The following MMP28 variants were observed in gnomAD, a reference collection of about 807,000 sequenced individuals.
MMP28 encodes the protein matrix metalloproteinase-28.
MMP28 carries 55 observed loss-of-function variants against 60.5 expected under a neutral mutation model. That is an observed-to-expected ratio of 0.91 (90% CI 0.73 to 1.14). The LOEUF is 1.14. Among genes scored for constraint, MMP28 ranks in the 50% most tolerant of loss-of-function variants. The probability of loss-of-function intolerance (pLI) is 0.00; values close to 1 mark genes in which losing one functional copy is unlikely to be tolerated. For missense variants in MMP28, 686 were observed against 738.3 expected, an observed-to-expected ratio of 0.93 and a Z score of 0.82; for synonymous variants, 318 against 312.5, an observed-to-expected ratio of 1.02 and a Z score of -0.18.
chr17:35,764,719 G>T (rs587752891), downstream of MMP28: 2 of 1,303,786 alleles, frequency 1.5e-6, no homozygotes, highest in Non-Finnish European at 1.0e-6. Flanking sequence ...GACGCATTCC[G>T]CAGGACCGCC....
intron 4 of MMP28, among the ~76,000 whole-genome samples, chr17:35,771,430 CAAAAA>C (rs548706247): frequency 9.3e-4 from 44 of 47,368 alleles, no homozygotes; most frequent in African/African-American, 3.4e-3. Flanking sequence ...GACTCTGTCT[CAAAAA>C]AAAAAAAAAA....
At chr17:35,789,525 T>A (rs1568201734) in intron 1 of MMP28, among the ~76,000 whole-genome samples, 1 of 152,038 alleles carries the variant, frequency 6.6e-6, no homozygotes, top group Non-Finnish European at 1.5e-5. Context: ...CTATAGGAAT[T>A]TAAAGCTGTG....
At chr17:35,768,439 G>C (rs1309507268) in intron 5 of MMP28, 60 bp from the exon 6 acceptor site, 30 of 1,372,528 alleles carry the variant, frequency 2.2e-5, no homozygotes, top group Non-Finnish European at 2.8e-5. Context: ...GGTATGCTGT[G>C]CACTCAAGAC....
At chr17:35,793,408 T>C (rs1056127592) in intron 1 of MMP28, among the ~76,000 whole-genome samples, 1 of 152,196 alleles carries the variant, frequency 6.6e-6, no homozygotes, top group African/African-American at 2.4e-5. Flanking sequence ...AGAAGCCTTC[T>C]CCTGGGGCTG....
At chr17:35,777,925 G>A (rs2086381239) in intron 3 of MMP28, among the ~76,000 whole-genome samples, 1 of 152,224 alleles carries the variant, frequency 6.6e-6, no homozygotes, top group Admixed American at 6.5e-5. Flanking sequence ...CTACTTGTGA[G>A]GCTGAGGCAG....
rs1006976415 is a variant in MMP28 at position 35,767,643 on chromosome 17, C to T, written c.1168+109G>A. ...CAGGTTCAGATTGGAATGGAGACTCCACCATGGACTCGTGTGAGAGTCTTC... is the reference window on the plus strand; with the variant it reads ...CAGGTTCAGATTGGAATGGAGACTCTACCATGGACTCGTGTGAGAGTCTTC... On this transcript the variant is annotated intron_variant, in intron 7 of 7. Transcript: ENST00000605424. The T allele has an allele frequency of 7.3e-5, 95 of 1,305,984 alleles. No homozygotes were observed. The African/African-American group carries it at 1.2e-3, about 16-fold the overall frequency. 80.9% of individuals were successfully genotyped at this position (1,305,984 alleles called of 1,614,324 possible).
chr17:35,773,414 A>G lies in MMP28; in HGVS notation c.380-10T>C, dbSNP rs1052262507. On this transcript the variant is annotated splice_polypyrimidine_tract_variant and intron_variant, in intron 3 of 7. Coordinates refer to ENST00000605424, the MANE Select transcript of MMP28 (RefSeq NM_024302.5). Reference sequence around the variant, plus strand: ...TTGTACCATTTGTTACCTGCCACCCAGAAAGCCCACGTCAGTCACACCTGC... The same window carrying G: ...TTGTACCATTTGTTACCTGCCACCCGGAAAGCCCACGTCAGTCACACCTGC... 9 of 1,576,556 alleles carry G rather than the reference A, an allele frequency of 5.7e-6. No homozygotes were observed. The Admixed American group carries it at 9.2e-5, about 16-fold the overall frequency.
downstream of MMP28, chr17:35,764,335 C>T (rs1376325234): frequency 1.6e-5 from 23 of 1,462,916 alleles, no homozygotes; most frequent in Non-Finnish European, 2.1e-5. Flanking sequence ...GGTGCCTGCG[C>T]GCTCCTCGAC....
intron 1 of MMP28, among the ~76,000 whole-genome samples, chr17:35,786,739 C>G (rs2086663283): frequency 7.3e-6 from 1 of 137,866 alleles, no homozygotes; most frequent in Admixed American, 6.9e-5. Context: ...TGGTATTCTG[C>G]CTTGATGTGT....
At chr17:35,788,997 G>A (rs760230686) in intron 1 of MMP28, among the ~76,000 whole-genome samples, 17 of 152,116 alleles carry the variant, frequency 1.1e-4, no homozygotes, top group Non-Finnish European at 1.3e-4. Flanking sequence ...GTTTTCCTAA[G>A]TTGCCCACTG....
At chr17:35,787,185 G>A (rs538435758) in intron 1 of MMP28, among the ~76,000 whole-genome samples, 24 of 152,314 alleles carry the variant, frequency 1.6e-4, no homozygotes, top group African/African-American at 5.5e-4. Context: ...GAAAGAAGTT[G>A]CTCAGGCAGT....
chr17:35,771,754 T>TAA (rs61445406), intron 4 of MMP28, among the ~76,000 whole-genome samples: 2 of 98,250 alleles, frequency 2.0e-5, no homozygotes, highest in African/African-American at 3.9e-5. Flanking sequence ...TATATATATA[T>TAA]AAAATTGTGT....
chr17:35,791,409 G>A (rs1351511353), intron 1 of MMP28, among the ~76,000 whole-genome samples: 7 of 152,028 alleles, frequency 4.6e-5, no homozygotes, highest in East Asian at 3.9e-4. Context: ...ATGGTGGTGC[G>A]TGTCTGTAGT....
At chr17:35,773,482 G>A (rs1250460497) in intron 3 of MMP28, 78 bp from the exon 4 acceptor site, 19 of 1,299,306 alleles carry the variant, frequency 1.5e-5, no homozygotes, top group East Asian at 7.6e-5. Flanking sequence ...GTAGGATGGC[G>A]AGGGGTAGGC....
Position 35,767,834 on chromosome 17 carries a change from C to G in MMP28, c.1086G>C (p.Leu362=). ...GGGGCAGCCCGACCCATCTTTCCTG[C>G]AGTGGACGGGGCTCTGAGACGTTGC... is the stretch of plus-strand genomic sequence containing the variant. The part of the protein sequence containing the change: ...ADGNVSEPRP[L]QERWVGLPPN... Residue 362 remains leucine, a synonymous_variant, in exon 7 of 8, where the codon CTG becomes CTC. Coordinates refer to ENST00000605424, the MANE Select transcript of MMP28 (RefSeq NM_024302.5). 1 of 1,612,160 alleles carries G rather than the reference C, an allele frequency of 6.2e-7. No homozygotes were observed. Among genetic ancestry groups the G allele is most frequent in the African/African-American group, 1.3e-5 (1 of 75,026 alleles).
In MMP28 at chr17:35,768,384, G is replaced by T; in HGVS notation, c.851-5C>A. On this transcript the variant is annotated splice_polypyrimidine_tract_variant and splice_region_variant and intron_variant, in intron 5 of 7. Coordinates refer to ENST00000605424, the MANE Select transcript of MMP28 (RefSeq NM_024302.5). ...CTGAGCCCCCTAGGGGCTTCCCTTT[G>T]TGAGTAAGGAAATAAGAGAGAGAGA... is the stretch of plus-strand genomic sequence containing the variant. 6.3e-7 allele frequency: 1 copy of T among 1,593,976 alleles called. No individual in the cohort carries two copies. Among genetic ancestry groups the T allele is most frequent in the South Asian group, 1.1e-5 (1 of 89,394 alleles).
At chr17:35,764,512 T>TC (rs782199533), downstream of MMP28, 1 of 1,595,490 alleles carries the variant, frequency 6.3e-7, no homozygotes, top group African/African-American at 1.4e-5. Context: ...TGCGAGCTCC[T>TC]CTTCTGCAAG....
chr17:35,768,116 G>T, intron 6 of MMP28, 114 bp downstream of exon 6: 1 of 1,400,734 alleles, frequency 7.1e-7, no homozygotes, highest in Non-Finnish European at 9.6e-7. Flanking sequence ...GCGTGCTTGT[G>T]GCTTGGGATT....
At chr17:35,763,506 G>A (rs377068852), downstream of MMP28, among the ~76,000 whole-genome samples, 2 of 142,568 alleles carry the variant, frequency 1.4e-5, no homozygotes, top group Admixed American at 1.5e-4. Context: ...CACTGGTCTC[G>A]AACTCTTGAG....
Sources: gnomAD v4.1 joint callset for allele counts (sites outside exome capture counted in the v4.1 genomes callset) on GRCh38, gnomAD v4.1.1 for gene constraint, MANE v1.5 for transcripts, NCBI Gene and HGNC (gene_info 2026-07-23, HGNC 2026-07-21) for gene names.